The following MAP2K6 variants were observed in gnomAD, a reference collection of about 807,000 sequenced individuals.
MAP2K6 encodes mitogen-activated protein kinase kinase 6, also known as dual specificity mitogen-activated protein kinase kinase 6.
Under a neutral mutation model 53.7 loss-of-function variants are expected in MAP2K6, and 16 were observed. The observed-to-expected ratio is 0.30, with a 90% CI of 0.20 to 0.45. MAP2K6 has a LOEUF of 0.45. Ranked by LOEUF, MAP2K6 falls within the 20% of genes least tolerant of loss-of-function variation. MAP2K6 has a pLI of 1.00. For missense variants in MAP2K6, 204 were observed against 411.9 expected (o/e 0.50, Z 4.37); for synonymous variants, 132 against 143.1 (o/e 0.92, Z 0.55).
intron 1 of MAP2K6, among the ~76,000 whole-genome samples, chr17:69,437,144 C>G (rs1477167288): frequency 6.6e-6 from 1 of 152,084 alleles, no homozygotes; most frequent in Non-Finnish European, 1.5e-5. Flanking sequence ...ACTTTTGGCT[C>G]CCCTAAAACT....
chr17:69,458,987 A>T (rs565668702), intron 1 of MAP2K6, among the ~76,000 whole-genome samples: 2 of 152,148 alleles, frequency 1.3e-5, no homozygotes, highest in Non-Finnish European at 1.5e-5. Flanking sequence ...AAAAATTTGT[A>T]TTTGGTTCTA....
intron 1 of MAP2K6, among the ~76,000 whole-genome samples, chr17:69,419,263 G>T (rs1905999630): frequency 6.6e-6 from 1 of 152,100 alleles, no homozygotes. Flanking sequence ...TTATACATTT[G>T]CCCAATTATT....
chr17:69,496,456 G>A (rs942762349), intron 1 of MAP2K6, among the ~76,000 whole-genome samples: 1 of 151,402 alleles, frequency 6.6e-6, no homozygotes. Context: ...ACTTTTAGTA[G>A]AGATGGGGTT....
chr17:69,462,082 G>A (rs781053535), intron 1 of MAP2K6, among the ~76,000 whole-genome samples: 8 of 152,162 alleles, frequency 5.3e-5, no homozygotes, highest in Non-Finnish European at 1.2e-4. Flanking sequence ...GGTGGCATGC[G>A]AAAGTATGCT....
At position 69,508,940 on chromosome 17, in the gene MAP2K6, C is replaced by T. The variant is rs113988326; in HGVS notation, c.83+3094C>T. On this transcript the variant is annotated intron_variant, in intron 2 of 11. Transcript: ENST00000590474. ...GGGCATATTTGTTTGAAGTTATTTC[C>T]GCATTGTTTATTCTGTTCCACTGAT... Among the ~76,000 whole-genome samples the T allele has an allele frequency of 2.2e-3, 331 of 152,240 alleles. 2 individuals carry two copies. Among genetic ancestry groups the T allele is most frequent in the African/African-American group, 7.6e-3 (317 of 41,562 alleles).
chr17:69,449,541 CTT>C lies in MAP2K6; in HGVS notation c.16+34543_16+34544del, dbSNP rs1352223318. Among the ~76,000 whole-genome samples the C allele has an allele frequency of 4.6e-4, 46 of 99,502 alleles. No individual in the cohort carries two copies. The South Asian group carries it at 0.012, about 27-fold the overall frequency. 65.3% of individuals were successfully genotyped at this position (99,502 alleles called of 152,430 possible). A position where few individuals can be genotyped will look rare whatever the true frequency, so the allele number is the denominator to read the frequency against. ...TGTCTTTCTTTCTTTGTCTTTCTTT[CTT>C]TCTTTCTTTCTTTCTTTATTTCTTT... On this transcript the variant is annotated intron_variant, in intron 1 of 11. Coordinates refer to ENST00000590474, the MANE Select transcript of MAP2K6 (RefSeq NM_002758.4).
intron 10 of MAP2K6, among the ~76,000 whole-genome samples, chr17:69,528,304 G>A (rs1024044951): frequency 2.6e-5 from 4 of 151,996 alleles, no homozygotes; most frequent in African/African-American, 9.7e-5. Context: ...TTTGTTTTTG[G>A]CTGGATGACT....
chr17:69,496,081 C>CT (rs879682523), intron 1 of MAP2K6, among the ~76,000 whole-genome samples: 455 of 144,946 alleles, frequency 3.1e-3, no homozygotes, highest in African/African-American at 7.3e-3. Flanking sequence ...TCTACTAGGA[C>CT]TTTTTTTTTT....
intron 1 of MAP2K6, among the ~76,000 whole-genome samples, chr17:69,479,699 A>C (rs972672137): frequency 2.0e-5 from 3 of 151,642 alleles, no homozygotes; most frequent in African/African-American, 7.3e-5. Context: ...GAGCCCAGGA[A>C]ATGTACTTTT....
At position 69,494,171 on chromosome 17, in the gene MAP2K6, G is replaced by A. The variant is rs1285441941; in HGVS notation, c.17-11609G>A. Among the ~76,000 whole-genome samples, 1 of 152,162 alleles carries A rather than the reference G, an allele frequency of 6.6e-6. No individual in the cohort carries two copies. The highest frequency in any genetic ancestry group is 1.5e-5 in the Non-Finnish European group (1 of 68,038). On this transcript the variant is annotated intron_variant, in intron 1 of 11. Coordinates refer to ENST00000590474, the MANE Select transcript of MAP2K6 (RefSeq NM_002758.4). This position sits in a 1 kb window ranked among gnomAD's most constrained non-coding sequence, Gnocchi z 4.2. ...TTCTTCAACAAAATAATTGCATGAA[G>A]TTGCAGGAGGAGAGGAAAGGGAGAG...
At position 69,426,797 on chromosome 17, in the gene MAP2K6, TAA is replaced by T. The variant is rs202039805; in HGVS notation, c.16+11809_16+11810del. ...AATAGAGCAATTCTTTAGAAGGATT[TAA>T]AAAAAAAAAAAGAAAAGAAAATGCC... On this transcript the variant is annotated intron_variant, in intron 1 of 11. Transcript: ENST00000590474. 6.3e-3 allele frequency among the ~76,000 whole-genome samples: 915 copies of T among 146,306 alleles called. 9 individuals are homozygous for T. The highest frequency in any genetic ancestry group is 0.02 in the African/African-American group (790 of 39,900).
Position 69,544,788 on chromosome 17 carries a change from T to C in MAP2K6, c.*3035T>C, listed in dbSNP as rs1911814624. 6.6e-6 allele frequency: 1 copy of C among 152,234 alleles called. No individual in the cohort carries two copies. Among genetic ancestry groups the C allele is most frequent in the Admixed American group, 6.5e-5 (1 of 15,280 alleles). 9.4% of individuals were successfully genotyped at this position (152,234 alleles called of 1,614,324 possible). The stretch of plus-strand genomic sequence containing the variant: ...CTATGTTTGTACGTATGAGTGAATA[T>C]TGCCCACCAGAGTAGCCATCTTGAG... On this transcript the variant is annotated 3_prime_UTR_variant, in exon 12 of 12. Coordinates refer to ENST00000590474, the MANE Select transcript of MAP2K6 (RefSeq NM_002758.4).
intron 10 of MAP2K6, among the ~76,000 whole-genome samples, chr17:69,533,985 C>A (rs1225707000): frequency 1.3e-5 from 2 of 152,142 alleles, no homozygotes; most frequent in Admixed American, 1.3e-4. Flanking sequence ...CCACCTATTA[C>A]ACAAAGCACA....
rs1422579780 is a variant in MAP2K6, at chr17:69,543,730, T to C, written c.*1977T>C. 6.6e-6 allele frequency: 1 copy of C among 152,196 alleles called. No homozygotes were observed. The highest frequency in any genetic ancestry group is 2.4e-5 in the African/African-American group (1 of 41,438). 9.4% of individuals were successfully genotyped at this position (152,196 alleles called of 1,614,324 possible). A position where few individuals can be genotyped will look rare whatever the true frequency, so the allele number is the denominator to read the frequency against. On this transcript the variant is annotated 3_prime_UTR_variant, in exon 12 of 12. Coordinates refer to ENST00000590474, the MANE Select transcript of MAP2K6 (RefSeq NM_002758.4). Reference sequence around the variant, plus strand: ...TTTTGGTGAACGATGTAGAGCAAATTGTCTCTCTGGTCTAGGTCCGATTAC... The same window carrying C: ...TTTTGGTGAACGATGTAGAGCAAATCGTCTCTCTGGTCTAGGTCCGATTAC...
intron 1 of MAP2K6, among the ~76,000 whole-genome samples, chr17:69,466,601 A>G (rs545389928): frequency 1.2e-4 from 19 of 152,352 alleles, no homozygotes; most frequent in African/African-American, 3.8e-4. Flanking sequence ...TTTGCATTCC[A>G]AAGCAAAAGT....
chr17:69,522,094 A>T (rs1910515293), intron 7 of MAP2K6, among the ~76,000 whole-genome samples: 1 of 152,180 alleles, frequency 6.6e-6, no homozygotes, highest in African/African-American at 2.4e-5. Flanking sequence ...AACTTCTGGG[A>T]AGAGATAACC....
chr17:69,484,430 G>A (rs1173227926), intron 1 of MAP2K6, among the ~76,000 whole-genome samples: 1 of 152,012 alleles, frequency 6.6e-6, no homozygotes, highest in Non-Finnish European at 1.5e-5. Flanking sequence ...AAAATAACAA[G>A]TGTAGGTGAG....
intron 1 of MAP2K6, chr17:69,435,461 G>A (rs1288027508): frequency 6.6e-6 from 1 of 151,314 alleles, no homozygotes; most frequent in African/African-American, 2.4e-5. Flanking sequence ...CTTGAACCCG[G>A]AGGTGGAGGT....
rs530216947 is a variant in MAP2K6 at position 69,468,396 on chromosome 17, T to A, written c.17-37384T>A. Reference sequence around the variant, plus strand: ...ATTCAACAACCATTTACGAGCCAATTACTCTTTTCAGGCTGGGATAACACA... The same window carrying A: ...ATTCAACAACCATTTACGAGCCAATAACTCTTTTCAGGCTGGGATAACACA... On this transcript the variant is annotated intron_variant, in intron 1 of 11. Coordinates refer to ENST00000590474, the MANE Select transcript of MAP2K6 (RefSeq NM_002758.4). Among the ~76,000 whole-genome samples the A allele has an allele frequency of 1.1e-4, 16 of 152,348 alleles. No homozygotes were observed. In the East Asian group the frequency reaches 2.9e-3, roughly 28 times the overall value.
Sources: allele counts gnomAD v4.1 joint callset (sites outside exome capture counted in the v4.1 genomes callset), GRCh38; gene constraint gnomAD v4.1.1; non-coding constraint Gnocchi (gnomAD v3.1); transcripts MANE v1.5; gene names NCBI Gene and HGNC (gene_info 2026-07-23, HGNC 2026-07-21).